Variants in PI16 observed in about 807,000 individuals in gnomAD.
PI16 encodes peptidase inhibitor 16, also known as PSP94-binding protein.
In PI16, 35 loss-of-function variants were observed where a neutral mutation model predicts 38.0. The observed-to-expected ratio is 0.92, with a 90% confidence interval of 0.70 to 1.22. PI16 has a LOEUF of 1.22. PI16 is among the 50% of genes most tolerant of loss of function. The pLI, the probability that PI16 is intolerant of heterozygous loss-of-function variation, is 0.00. For synonymous variants in PI16, 275 were observed against 252.9 expected (o/e 1.09, Z -0.83); for missense variants, 572 against 593.8 (o/e 0.96, Z 0.38).
At chr6:36,954,474 T>G, upstream of PI16, 2 of 348,904 alleles carry the variant, frequency 5.7e-6, no homozygotes, top group African/African-American at 2.1e-5. Context: ...GTTACTGTGA[T>G]TTTGCCCCTG....
At chr6:36,957,924 C>A (rs915386010) in intron 1 of PI16, among the ~76,000 whole-genome samples, 1 of 152,238 alleles carries the variant, frequency 6.6e-6, no homozygotes, top group Non-Finnish European at 1.5e-5. Flanking sequence ...TGGCCCCCAG[C>A]GCCCTGCCCC....
chr6:36,959,393 C>CGGAGCCTCGCGGCGT, intron 2 of PI16, 27 bp downstream of exon 2: 1 of 1,527,888 alleles, frequency 6.5e-7, no homozygotes. Flanking sequence ...CGAGGCGGGG[C>CGGAGCCTCGCGGCGT]GGAGCCTCGC....
At position 36,962,765 on chromosome 6, in the gene PI16, G is replaced by A. The variant is rs969224880; in HGVS notation, c.593-170G>A. Among the ~76,000 whole-genome samples the A allele has an allele frequency of 6.6e-6, 1 of 152,156 alleles. No homozygotes were observed. The highest frequency in any genetic ancestry group is 2.4e-5 in the African/African-American group (1 of 41,422). On this transcript the variant is annotated intron_variant, in intron 4 of 6. Transcript: ENST00000373674. The surrounding 1 kb of genome is among the most constrained non-coding windows in gnomAD (Gnocchi z 4.1). ...TGGGATTACAGACGTGAGCCACCGC[G>A]CCCGGCTTGTAACTTTTATTTTCAA...
At position 36,954,921 on chromosome 6, in the gene PI16, T is replaced by C. The variant is rs745369499; in HGVS notation, c.161T>C (p.Met54Thr). Residue 54 changes from methionine (M) to threonine (T), a missense_variant, in exon 1 of 7, where the codon ATG becomes ACG. Physicochemically the swap from Met to Thr is moderately conservative, Grantham distance 81. Coordinates refer to ENST00000373674, the MANE Select transcript of PI16 (RefSeq NM_153370.3). ...CAGGTATCCCCGACGGCCTCAGACATGCTGCACATGGTAAGTGTGGCCACG... is the reference window on the plus strand; with the variant it reads ...CAGGTATCCCCGACGGCCTCAGACACGCTGCACATGGTAAGTGTGGCCACG... The part of the protein sequence containing the change: ...RAQVSPTASD[M>T]LHMRWDEELA... 4 of 1,612,864 alleles carry C rather than the reference T, an allele frequency of 2.5e-6. No individual in the cohort carries two copies. The highest frequency in any genetic ancestry group is 2.7e-5 in the African/African-American group (2 of 74,862).
At chr6:36,956,260 A>C (rs1436428070) in intron 1 of PI16, among the ~76,000 whole-genome samples, 1 of 152,232 alleles carries the variant, frequency 6.6e-6, no homozygotes, top group Non-Finnish European at 1.5e-5. Flanking sequence ...GGTGGACAAC[A>C]AACCAGGCGT....
At chr6:36,959,069 G>A in intron 1 of PI16, 76 bp from the exon 2 acceptor site, 2 of 1,312,198 alleles carry the variant, frequency 1.5e-6, no homozygotes, top group Non-Finnish European at 2.1e-6. Flanking sequence ...ATTTCCCCAC[G>A]ACCTCCTCGA....
chr6:36,962,219 C>CGG lies in PI16; in HGVS notation c.592+251_592+252dup, dbSNP rs989149164. ...AGGATGTTAGAAAGTCTGGCGGCTT[C>CGG]GGGGGGGCCCGCGCGAGGTGGGTGT... is the stretch of plus-strand genomic sequence containing the variant. On this transcript the variant is annotated intron_variant, in intron 4 of 6. Coordinates refer to ENST00000373674, the MANE Select transcript of PI16 (RefSeq NM_153370.3). The surrounding 1 kb of genome is among the most constrained non-coding windows in gnomAD (Gnocchi z 4.1). Among the ~76,000 whole-genome samples the CGG allele has an allele frequency of 6.6e-6, 1 of 152,000 alleles. No individual in the cohort carries two copies. Among genetic ancestry groups the CGG allele is most frequent in the East Asian group, 1.9e-4 (1 of 5,166 alleles).
rs113848006 is a variant in PI16, at chr6:36,959,176, A to C, written c.203A>C (p.Lys68Thr). The C allele has an allele frequency of 3.8e-5, 61 of 1,610,722 alleles. No individual in the cohort carries two copies. Among genetic ancestry groups the C allele is most frequent in the Non-Finnish European group, 4.9e-5 (58 of 1,179,122 alleles). The part of the protein sequence containing the change: ...RWDEELAAFA[K>T]AYARQCVWGH... Reference sequence around the variant, plus strand: ...GACGAGGAGCTGGCCGCCTTCGCCAAGGCCTACGCACGGCAGTGCGTGTGG... The same window carrying C: ...GACGAGGAGCTGGCCGCCTTCGCCACGGCCTACGCACGGCAGTGCGTGTGG... Residue 68 changes from lysine to threonine, a missense_variant, in exon 2 of 7, where the codon AAG (lysine) becomes ACG (threonine). Physicochemically the swap from Lys to Thr is moderately conservative, Grantham distance 78. Coordinates refer to ENST00000373674, the MANE Select transcript of PI16 (RefSeq NM_153370.3).
Position 36,959,177 on chromosome 6 carries a change from G to A in PI16, c.204G>A (p.Lys68=), listed in dbSNP as rs1283430287. 1 of 1,610,738 alleles carries A rather than the reference G, an allele frequency of 6.2e-7. No individual in the cohort carries two copies. Among genetic ancestry groups the A allele is most frequent in the Non-Finnish European group, 8.5e-7 (1 of 1,179,196 alleles). The part of the protein sequence containing the change: ...RWDEELAAFA[K]AYARQCVWGH... ...ACGAGGAGCTGGCCGCCTTCGCCAA[G>A]GCCTACGCACGGCAGTGCGTGTGGG... Residue 68 remains lysine, a synonymous_variant, in exon 2 of 7, where the codon AAG becomes AAA. Coordinates refer to ENST00000373674, the MANE Select transcript of PI16 (RefSeq NM_153370.3).
At chr6:36,957,874 C>T (rs796585958) in intron 1 of PI16, among the ~76,000 whole-genome samples, 6 of 152,358 alleles carry the variant, frequency 3.9e-5, no homozygotes, top group African/African-American at 1.2e-4. Context: ...ACTTACAGTC[C>T]AGCCCGGCAC....
chr6:36,948,636 T>TCCCTCCTTCCTCCCTCCCTCCTC (rs1763050801), intron 1 of PI16, among the ~76,000 whole-genome samples: 1 of 78,914 alleles, frequency 1.3e-5, no homozygotes. Flanking sequence ...CCTTCCTCCT[T>TCCCTCCTTCCTCCCTCCCTCCTC]CCCTCCTTCC....
rs534339597 is a variant in PI16 at position 36,949,676 on chromosome 6, CT to C, written c.-82+1273del. Among the ~76,000 whole-genome samples the C allele has an allele frequency of 1.8e-4, 27 of 152,322 alleles. No individual in the cohort carries two copies. In the South Asian group the frequency reaches 5.2e-3, roughly 29 times the overall value. On this transcript the variant is annotated intron_variant, in intron 1 of 7. Coordinates refer to the PI16 transcript ENST00000611814. ...CGATTCTTTTCCACATCTTGTTCCCCTCTACCCCCTAAGTCTTCCTTCTCCC... is the reference window on the plus strand; with the variant it reads ...CGATTCTTTTCCACATCTTGTTCCCCCTACCCCCTAAGTCTTCCTTCTCCC...
upstream of PI16, among the ~76,000 whole-genome samples, chr6:36,951,378 T>A (rs1398921377): frequency 6.6e-6 from 1 of 152,132 alleles, no homozygotes; most frequent in Admixed American, 6.5e-5. Flanking sequence ...GCCTTCCTAG[T>A]AGCTGGGACT....
intron 3 of PI16, 119 bp from the exon 4 acceptor site, chr6:36,961,767 C>A: frequency 1.0e-6 from 1 of 982,946 alleles, no homozygotes; most frequent in South Asian, 1.4e-5. Context: ...CCCAGCAAGT[C>A]AGTGGCTGGC....
In PI16 at chr6:36,961,465, G is replaced by T. The variant is rs539693413; in HGVS notation, c.408G>T (p.Lys136Asn). The change falls in exon 3 of 7, where the codon AAG becomes AAT. Residue 136 changes from lysine (K) to asparagine (N), a missense_variant. Transcript: ENST00000373674. ...CGHYTQVVWA[K>N]TERIGCGSHF... Reference sequence around the variant, plus strand: ...CCCTTCATCAGGTGGTATGGGCCAAGACAGAGAGGATCGGCTGTGGTTCCC... The same window carrying T: ...CCCTTCATCAGGTGGTATGGGCCAATACAGAGAGGATCGGCTGTGGTTCCC... 1.0e-4 allele frequency: 162 copies of T among 1,614,202 alleles called. 1 individual carries two copies. The South Asian group carries it at 1.6e-3, about 16-fold the overall frequency.
chr6:36,952,515 C>T (rs963221176), upstream of PI16, among the ~76,000 whole-genome samples: 12 of 152,218 alleles, frequency 7.9e-5, no homozygotes, highest in African/African-American at 2.4e-4. Context: ...TTCATTATTT[C>T]GCATGTGGAC....
At chr6:36,950,864 T>C (rs1399512482), upstream of PI16, among the ~76,000 whole-genome samples, 1 of 152,200 alleles carries the variant, frequency 6.6e-6, no homozygotes, top group East Asian at 1.9e-4. This position sits in a 1 kb window ranked among gnomAD's most constrained non-coding sequence, Gnocchi z 4.2. Flanking sequence ...TTTAACTCTT[T>C]CGCGTATATA....
chr6:36,949,480 C>T (rs114760871), intron 1 of PI16, among the ~76,000 whole-genome samples: 140 of 152,272 alleles, frequency 9.2e-4, no homozygotes, highest in African/African-American at 3.2e-3. Flanking sequence ...TGAGTTCTCC[C>T]GTCTATGGAG....
chr6:36,957,863 C>G (rs1763247126), intron 1 of PI16, among the ~76,000 whole-genome samples: 1 of 152,236 alleles, frequency 6.6e-6, no homozygotes, highest in Non-Finnish European at 1.5e-5. Flanking sequence ...ACCGTGATGG[C>G]ACTTACAGTC....
Sources: gnomAD v4.1 joint callset for allele counts (sites outside exome capture counted in the v4.1 genomes callset) on GRCh38, gnomAD v4.1.1 for gene constraint, Gnocchi (gnomAD v3.1) non-coding constraint, MANE v1.5 for transcripts, NCBI Gene and HGNC (gene_info 2026-07-23, HGNC 2026-07-21) for gene names.